Variants in MRAP2 observed in about 807,000 individuals in gnomAD.
The protein encoded by MRAP2 is melanocortin 2 receptor accessory protein 2.
MRAP2 carries 20 observed loss-of-function variants against 17.4 expected under a neutral mutation model. The observed-to-expected ratio is 1.15, with a 90% confidence interval of 0.81 to 1.67. The LOEUF (loss-of-function observed/expected upper bound fraction) is 1.67. Ranked by LOEUF, MRAP2 falls within the 40% of genes most tolerant of loss-of-function variation. The pLI, the probability that MRAP2 is intolerant of heterozygous loss-of-function variation, is 0.00. For synonymous variants in MRAP2, 96 were observed against 88.4 expected (o/e 1.09, Z -0.48); for missense variants, 238 against 240.0 (o/e 0.99, Z 0.05).
At chr6:84,135,273 T>C in the MRAP2 span, among the ~76,000 whole-genome samples, 1 of 152,200 alleles carries the variant, frequency 6.6e-6, no homozygotes, top group Non-Finnish European at 1.5e-5. Context: ...TATTCTTTAA[T>C]GAATAAAACT....
At chr6:84,123,105 C>G in the MRAP2 span, among the ~76,000 whole-genome samples, 1 of 152,030 alleles carries the variant, frequency 6.6e-6, no homozygotes, top group Non-Finnish European at 1.5e-5. Flanking sequence ...ACATCCCATG[C>G]TTATGAACTG....
intron 3 of MRAP2, among the ~76,000 whole-genome samples, chr6:84,065,584 C>T (rs548946401): frequency 6.6e-6 from 1 of 152,210 alleles, no homozygotes; most frequent in Admixed American, 6.5e-5. Flanking sequence ...TGTTAATCTT[C>T]CTTTTCCTCA....
chr6:84,111,445 C>T, the MRAP2 span, among the ~76,000 whole-genome samples: 2 of 152,168 alleles, frequency 1.3e-5, no homozygotes. Flanking sequence ...TGATTCTGCA[C>T]ATTGATTTTG....
chr6:84,069,342 T>TACA (rs1282775043), intron 3 of MRAP2, among the ~76,000 whole-genome samples: 9 of 152,214 alleles, frequency 5.9e-5, no homozygotes, highest in African/African-American at 1.9e-4. Flanking sequence ...TCTGCATCTA[T>TACA]TGAGATGATC....
the MRAP2 span, among the ~76,000 whole-genome samples, chr6:84,128,667 C>T: frequency 1.3e-5 from 2 of 152,034 alleles, no homozygotes; most frequent in East Asian, 1.9e-4. Flanking sequence ...ATATAAAACA[C>T]TTTGCACAGT....
In MRAP2 at chr6:84,036,553, A is replaced by C. The variant is rs572213662; in HGVS notation, c.-8+2670A>C. On this transcript the variant is annotated intron_variant, in intron 1 of 3. Coordinates refer to ENST00000257776, the MANE Select transcript of MRAP2 (RefSeq NM_138409.4). Reference sequence around the variant, plus strand: ...TCGCTGGCTTCAGGAGTGAAGCTGCAGACCTTCACGGTGAGTGTTACAGCT... The same window carrying C: ...TCGCTGGCTTCAGGAGTGAAGCTGCCGACCTTCACGGTGAGTGTTACAGCT... 7.8e-4 allele frequency among the ~76,000 whole-genome samples: 119 copies of C among 152,292 alleles called. 2 individuals carry two copies. The South Asian group carries it at 9.7e-3, about 12-fold the overall frequency.
the MRAP2 span, among the ~76,000 whole-genome samples, chr6:84,137,840 T>C: frequency 4.1e-4 from 62 of 152,208 alleles, no homozygotes; most frequent in African/African-American, 1.5e-3. Context: ...ACCCAAGGAT[T>C]TGAAAAATAC....
intron 3 of MRAP2, 147 bp from the exon 4 acceptor site, chr6:84,088,944 C>T: frequency 1.2e-6 from 1 of 837,778 alleles, no homozygotes; most frequent in Middle Eastern, 3.7e-4. Flanking sequence ...TCTTATTTCT[C>T]ATGTTTGTCT....
the MRAP2 span, among the ~76,000 whole-genome samples, chr6:84,142,009 G>A: frequency 1.3e-5 from 2 of 152,218 alleles, no homozygotes; most frequent in South Asian, 4.1e-4. Context: ...CCATGTCTTT[G>A]AAATTTAAAC....
intron 3 of MRAP2, among the ~76,000 whole-genome samples, chr6:84,084,955 T>C (rs577175053): frequency 2.2e-5 from 3 of 137,242 alleles, no homozygotes; most frequent in Non-Finnish European, 3.2e-5. Context: ...TATTTTATTT[T>C]ATTTTATTAT....
At chr6:84,085,832 G>C (rs2099500311) in intron 3 of MRAP2, among the ~76,000 whole-genome samples, 1 of 151,954 alleles carries the variant, frequency 6.6e-6, no homozygotes. Context: ...GAATTTTATA[G>C]TTCCAAGAGA....
At chr6:84,125,402 G>A in the MRAP2 span, 37,074 of 734,916 alleles carry the variant, frequency 0.05, 1,190 homozygotes, top group Admixed American at 0.099. Flanking sequence ...AATGCTCTGC[G>A]TGGATGCAAC....
intron 3 of MRAP2, among the ~76,000 whole-genome samples, chr6:84,067,348 G>A (rs2099495008): frequency 6.6e-6 from 1 of 152,194 alleles, no homozygotes; most frequent in Non-Finnish European, 1.5e-5. Context: ...GCATGTGTCT[G>A]CAAGTATCTT....
chr6:84,098,443 T>C, the MRAP2 span, among the ~76,000 whole-genome samples: 1 of 152,224 alleles, frequency 6.6e-6, no homozygotes, highest in Non-Finnish European at 1.5e-5. Flanking sequence ...TATTCATTTA[T>C]AAGTCTTCAT....
the MRAP2 span, among the ~76,000 whole-genome samples, chr6:84,145,436 G>A: frequency 1.3e-5 from 2 of 152,104 alleles, no homozygotes; most frequent in Non-Finnish European, 2.9e-5. Context: ...AATGAGACTA[G>A]ACTTATTTTT....
chr6:84,127,459 C>G, the MRAP2 span, among the ~76,000 whole-genome samples: 34 of 152,174 alleles, frequency 2.2e-4, 1 homozygote, highest in Admixed American at 2.0e-3. Context: ...AAGAACTATA[C>G]AGACTATAAT....
chr6:84,060,787 G>C lies in MRAP2; in HGVS notation c.128-2106G>C, dbSNP rs572694740. ...TGCAAGCTCCACCTGCCGGGTTCAC[G>C]CCATTCTCCTGCCTCAGCCTCCCGA... is the stretch of plus-strand genomic sequence containing the variant. On this transcript the variant is annotated intron_variant, in intron 2 of 3. Coordinates refer to ENST00000257776, the MANE Select transcript of MRAP2 (RefSeq NM_138409.4). Among the ~76,000 whole-genome samples, 4 of 150,778 alleles carry C rather than the reference G, an allele frequency of 2.7e-5. No homozygotes were observed. The South Asian group carries it at 8.4e-4, about 31-fold the overall frequency.
the MRAP2 span, among the ~76,000 whole-genome samples, chr6:84,107,666 G>A: frequency 1.3e-5 from 2 of 152,188 alleles, no homozygotes; most frequent in African/African-American, 4.8e-5. Flanking sequence ...AGAAAACTGT[G>A]ATACAGTGCT....
intron 3 of MRAP2, among the ~76,000 whole-genome samples, chr6:84,075,810 A>G (rs959620338): frequency 1.3e-5 from 2 of 152,192 alleles, no homozygotes; most frequent in African/African-American, 4.8e-5. Flanking sequence ...ATTATATTCT[A>G]TCTTGAATAG....
Sources: allele counts gnomAD v4.1 joint callset (sites outside exome capture counted in the v4.1 genomes callset), GRCh38; gene constraint gnomAD v4.1.1; transcripts MANE v1.5; gene names NCBI Gene and HGNC (gene_info 2026-07-23, HGNC 2026-07-21).